Variants in ARL5B observed in about 807,000 individuals in gnomAD.
The protein encoded by ARL5B is ARF like GTPase 5B, also known as ADP-ribosylation factor-like protein 5B.
Under a neutral mutation model 26.9 loss-of-function variants are expected in ARL5B, and 10 were observed. The observed-to-expected ratio is 0.37, with a 90% confidence interval of 0.23 to 0.63. The LOEUF is 0.63. Among genes scored for constraint, ARL5B ranks in the 30% least tolerant of loss-of-function variants. The pLI is 0.62. For synonymous variants in ARL5B, 87 were observed against 70.4 expected (o/e 1.24, Z -1.18); for missense variants, 167 against 213.9 (o/e 0.78, Z 1.37).
Position 18,662,767 on chromosome 10 carries a change from G to A in ARL5B, c.46+3084G>A, listed in dbSNP as rs138903949. On this transcript the variant is annotated intron_variant, in intron 1 of 5. Coordinates refer to ENST00000377275, the MANE Select transcript of ARL5B (RefSeq NM_178815.5). ...CACCCAGGCTGGAGTGCAGTGGTGC[G>A]ATCTCGGTCCACTGCAACCTCCATC... is the stretch of plus-strand genomic sequence containing the variant. Among the ~76,000 whole-genome samples, 8 of 150,502 alleles carry A rather than the reference G, an allele frequency of 5.3e-5. No individual in the cohort carries two copies. The East Asian group carries it at 5.8e-4, about 11-fold the overall frequency.
Position 18,659,455 on chromosome 10 carries a change from C to T in ARL5B, c.-183C>T, listed in dbSNP as rs2059815353. The T allele has an allele frequency of 9.6e-6, 7 of 729,094 alleles. No homozygotes were observed. The highest frequency in any genetic ancestry group is 1.5e-5 in the Non-Finnish European group (7 of 474,202). 45.2% of individuals were successfully genotyped at this position (729,094 alleles called of 1,614,324 possible). A position where few individuals can be genotyped will look rare whatever the true frequency, so the allele number is the denominator to read the frequency against. On this transcript the variant is annotated 5_prime_UTR_variant, in exon 1 of 6. Coordinates refer to ENST00000377275, the MANE Select transcript of ARL5B (RefSeq NM_178815.5). Reference sequence around the variant, plus strand: ...CAGTGGGCTCGAAACAAAGGGCTGTCCGGTGGGGATTCGTCGCGGCGCCTT... The same window carrying T: ...CAGTGGGCTCGAAACAAAGGGCTGTTCGGTGGGGATTCGTCGCGGCGCCTT...
rs1383299992 is a variant in ARL5B, at chr10:18,679,589, A to G, written c.*4373A>G. 1 of 151,952 alleles carries G rather than the reference A, an allele frequency of 6.6e-6. No homozygotes were observed. The highest frequency in any genetic ancestry group is 1.5e-5 in the Non-Finnish European group (1 of 67,872). The allele number at this position is 151,952 out of a possible 1,614,324, so 9.4% of individuals were successfully genotyped here. A position where few individuals can be genotyped will look rare whatever the true frequency, so the allele number is the denominator to read the frequency against. On this transcript the variant is annotated 3_prime_UTR_variant, in exon 6 of 6. Transcript: ENST00000377275. ...AAAATTTTAGGGGACCAAAATAAAT[A>G]GAGGAAGACCAATATAAAAAAATAT...
rs1361493113 is a variant in ARL5B at position 18,678,471 on chromosome 10, T to C, written c.*3255T>C. ...AAGTTGTGGGGGTCACAAAGAAAATTTTAAAGAATATAGAAGCTTTTTTAA... is the reference window on the plus strand; with the variant it reads ...AAGTTGTGGGGGTCACAAAGAAAATCTTAAAGAATATAGAAGCTTTTTTAA... On this transcript the variant is annotated 3_prime_UTR_variant, in exon 6 of 6. Transcript: ENST00000377275. The C allele has an allele frequency of 2.6e-5, 4 of 151,868 alleles. No homozygotes were observed. The highest frequency in any genetic ancestry group is 9.7e-5 in the African/African-American group (4 of 41,428). 9.4% of individuals were successfully genotyped at this position (151,868 alleles called of 1,614,324 possible).
chr10:18,675,339 C>A lies in ARL5B; in HGVS notation c.*123C>A. ...ACAACACAAACCTCTGAGAGCAACACTTGAATCAAGTGCAGCTGAACTGGA... is the reference window on the plus strand; with the variant it reads ...ACAACACAAACCTCTGAGAGCAACAATTGAATCAAGTGCAGCTGAACTGGA... On this transcript the variant is annotated 3_prime_UTR_variant, in exon 6 of 6. Transcript: ENST00000377275. The A allele has an allele frequency of 1.1e-6, 1 of 922,286 alleles. No individual in the cohort carries two copies. The highest frequency in any genetic ancestry group is 1.7e-5 in the African/African-American group (1 of 60,470). 57.1% of individuals were successfully genotyped at this position (922,286 alleles called of 1,614,324 possible). A position where few individuals can be genotyped will look rare whatever the true frequency, so the allele number is the denominator to read the frequency against.
rs904418120 is a variant in ARL5B at position 18,681,556 on chromosome 10, A to G, written c.*6340A>G. On this transcript the variant is annotated 3_prime_UTR_variant, in exon 6 of 6. Transcript: ENST00000377275. ...TTAGACAGGTTTTGGCTCATTTCCA[A>G]TCATGGTGCAATATAGTGTAACATT... 3.9e-5 allele frequency: 6 copies of G among 152,152 alleles called. No individual in the cohort carries two copies. The highest frequency in any genetic ancestry group is 8.8e-5 in the Non-Finnish European group (6 of 68,012). 9.4% of individuals were successfully genotyped at this position (152,152 alleles called of 1,614,324 possible). A position where few individuals can be genotyped will look rare whatever the true frequency, so the allele number is the denominator to read the frequency against.
At chr10:18,667,579 C>A (rs2059867037) in intron 2 of ARL5B, among the ~76,000 whole-genome samples, 2 of 152,102 alleles carry the variant, frequency 1.3e-5, no homozygotes, top group Admixed American at 1.3e-4. Flanking sequence ...GAATTGCAAG[C>A]CTCCTCCAAC....
intron 1 of ARL5B, among the ~76,000 whole-genome samples, chr10:18,664,128 A>G (rs1448435621): frequency 1.3e-5 from 2 of 150,864 alleles, no homozygotes; most frequent in East Asian, 2.0e-4. Flanking sequence ...TAAGTTTTGT[A>G]TTTTTAGTAG....
In ARL5B at chr10:18,675,250, C is replaced by G. The variant is rs202164122; in HGVS notation, c.*34C>G. On this transcript the variant is annotated 3_prime_UTR_variant, in exon 6 of 6. Coordinates refer to ENST00000377275, the MANE Select transcript of ARL5B (RefSeq NM_178815.5). ...CTTGAAAGAGACTGCTCTATTTATTCTGTGACATGAACATTTTTTCCTAGT... is the reference window on the plus strand; with the variant it reads ...CTTGAAAGAGACTGCTCTATTTATTGTGTGACATGAACATTTTTTCCTAGT... 3,755 of 1,599,350 alleles carry G rather than the reference C, an allele frequency of 2.3e-3. 4 individuals are homozygous for G. Among genetic ancestry groups the G allele is most frequent in the Non-Finnish European group, 2.6e-3 (3,081 of 1,166,978 alleles).
intron 3 of ARL5B, 133 bp downstream of exon 3, chr10:18,668,810 G>A (rs555146687): frequency 1.0e-4 from 97 of 967,064 alleles, no homozygotes; most frequent in South Asian, 6.7e-4. Flanking sequence ...TTGCTCTGTC[G>A]CCAGGCTAGA....
At chr10:18,673,415 C>T (rs967279803) in intron 4 of ARL5B, among the ~76,000 whole-genome samples, 1 of 152,082 alleles carries the variant, frequency 6.6e-6, no homozygotes, top group Admixed American at 6.6e-5. Flanking sequence ...CTGAATCTTG[C>T]TCTTTTTGTA....
At position 18,680,135 on chromosome 10, in the gene ARL5B, A is replaced by G. The variant is rs1442787756; in HGVS notation, c.*4919A>G. ...TATGTTTTCTTGCACAACTTGTAAA[A>G]TTTTAATTAAAAAATTACCTCATTT... On this transcript the variant is annotated 3_prime_UTR_variant, in exon 6 of 6. Transcript: ENST00000377275. The G allele has an allele frequency of 6.6e-6, 1 of 152,042 alleles. No homozygotes were observed. Among genetic ancestry groups the G allele is most frequent in the Non-Finnish European group, 1.5e-5 (1 of 67,918 alleles). The allele number at this position is 152,042 out of a possible 1,614,324, so 9.4% of individuals were successfully genotyped here. A position where few individuals can be genotyped will look rare whatever the true frequency, so the allele number is the denominator to read the frequency against.
chr10:18,666,517 C>T (rs1564864468), intron 1 of ARL5B, 58 bp from the exon 2 acceptor site: 4 of 1,341,756 alleles, frequency 3.0e-6, no homozygotes, highest in Non-Finnish European at 4.2e-6. Flanking sequence ...TTGTTGAAAG[C>T]ATGTAATTGC....
chr10:18,668,843 C>G (rs534400909), intron 3 of ARL5B, among the ~76,000 whole-genome samples, 166 bp downstream of exon 3: 4 of 149,386 alleles, frequency 2.7e-5, no homozygotes, highest in African/African-American at 9.9e-5. Context: ...GATCTTGGCT[C>G]GCTGCAAGCT....
chr10:18,662,419 G>C (rs16917628), intron 1 of ARL5B, among the ~76,000 whole-genome samples: 4,423 of 152,234 alleles, frequency 0.029, 209 homozygotes, highest in African/African-American at 0.1. Context: ...GTAAAGCAAT[G>C]TAAAAGTTAA....
chr10:18,664,938 G>C (rs2059854706), intron 1 of ARL5B, among the ~76,000 whole-genome samples: 2 of 152,274 alleles, frequency 1.3e-5, no homozygotes, highest in Admixed American at 6.5e-5. Context: ...ATCTGGTACT[G>C]TCCTTCCATT....
chr10:18,673,223 G>C (rs1483790919), intron 4 of ARL5B, among the ~76,000 whole-genome samples: 1 of 151,828 alleles, frequency 6.6e-6, no homozygotes, highest in Non-Finnish European at 1.5e-5. Flanking sequence ...CACCACGCCT[G>C]GTTAATTTTT....
At chr10:18,664,692 C>T (rs2059853317) in intron 1 of ARL5B, among the ~76,000 whole-genome samples, 1 of 152,028 alleles carries the variant, frequency 6.6e-6, no homozygotes, top group Non-Finnish European at 1.5e-5. Context: ...CCCACCTCGG[C>T]CTCCCAAAGT....
At chr10:18,670,155 A>G (rs1239061091) in intron 3 of ARL5B, among the ~76,000 whole-genome samples, 1 of 152,198 alleles carries the variant, frequency 6.6e-6, no homozygotes, top group Non-Finnish European at 1.5e-5. Context: ...TTCCAATGCA[A>G]CGTGTAAGTA....
rs939664179 is a variant in ARL5B at position 18,677,118 on chromosome 10, G to C, written c.*1902G>C. 1.3e-5 allele frequency: 2 copies of C among 151,938 alleles called. No individual in the cohort carries two copies. Among genetic ancestry groups the C allele is most frequent in the East Asian group, 3.9e-4 (2 of 5,164 alleles). The allele number at this position is 151,938 out of a possible 1,614,324, so 9.4% of individuals were successfully genotyped here. A position where few individuals can be genotyped will look rare whatever the true frequency, so the allele number is the denominator to read the frequency against. The stretch of plus-strand genomic sequence containing the variant: ...TTTCTGCTTGGTTGTGTTGTTTACC[G>C]TAAGTACTGAGGGTAGTTTCCCTAA... On this transcript the variant is annotated 3_prime_UTR_variant, in exon 6 of 6. Transcript: ENST00000377275.
Sources: gnomAD v4.1 joint callset for allele counts (sites outside exome capture counted in the v4.1 genomes callset) on GRCh38, gnomAD v4.1.1 for gene constraint, MANE v1.5 for transcripts, NCBI Gene and HGNC (gene_info 2026-07-23, HGNC 2026-07-21) for gene names.